SPTB: variants seen among roughly 807,000 people sequenced by gnomAD.
The protein encoded by SPTB is spectrin beta chain, erythrocytic.
A neutral mutation model predicts 256.2 loss-of-function variants in SPTB; 45 were observed. The observed-to-expected ratio is 0.18, with a 90% CI of 0.14 to 0.23. SPTB has a LOEUF of 0.23. SPTB is among the 10% of genes least tolerant of loss of function. The probability of loss-of-function intolerance (pLI) is 1.00; values close to 1 mark genes in which losing one functional copy is unlikely to be tolerated. For synonymous variants in SPTB, 1,231 were observed against 1,243.1 expected (o/e 0.99, Z 0.21); for missense variants, 2,715 against 3,040.4 (o/e 0.89, Z 2.52).
rs760848754 is a variant in SPTB at position 64,767,364 on chromosome 14, G to C, written c.6220-12C>G. The C allele has an allele frequency of 1.9e-6, 3 of 1,613,862 alleles. No homozygotes were observed. The highest frequency in any genetic ancestry group is 1.7e-6 in the Non-Finnish European group (2 of 1,180,034). ...TCTTTCAGCTCAAGCTAGAGGAGGA[G>C]AAGGCCCAGGGGTCAGAGCAGCCAC... On this transcript the variant is annotated splice_polypyrimidine_tract_variant and intron_variant, in intron 30 of 35. Coordinates refer to ENST00000644917, the MANE Select transcript of SPTB (RefSeq NM_001355436.2).
chr14:64,773,077 C>A, intron 25 of SPTB, 123 bp from the exon 26 acceptor site: 1 of 1,556,446 alleles, frequency 6.4e-7, no homozygotes, highest in Non-Finnish European at 8.7e-7. Flanking sequence ...TCACACCTTC[C>A]CCAGGGCAGG....
chr14:64,820,018 G>A (rs577799901), intron 2 of SPTB, among the ~76,000 whole-genome samples: 11 of 152,260 alleles, frequency 7.2e-5, no homozygotes, highest in Non-Finnish European at 5.9e-5. Flanking sequence ...ACTTGAATCT[G>A]GATCTTGTGA....
Position 64,763,635 on chromosome 14 carries a change from A to G in SPTB, c.6345+3091T>C, listed in dbSNP as rs377265598. On this transcript the variant is annotated intron_variant, in intron 32 of 35. Coordinates refer to ENST00000644917, the MANE Select transcript of SPTB (RefSeq NM_001355436.2). ...AGGGGATTAGGTGGTTTTTATCTCA[A>G]ATCACGCAGGAAGTTACCAACAGAA... The G allele has an allele frequency of 5.0e-5, 24 of 477,936 alleles. No homozygotes were observed. The East Asian group carries it at 8.5e-4, about 17-fold the overall frequency. The allele number at this position is 477,936 out of a possible 1,614,324, so 29.6% of individuals were successfully genotyped here. A position where few individuals can be genotyped will look rare whatever the true frequency, so the allele number is the denominator to read the frequency against.
Position 64,793,637 on chromosome 14 carries a change from G to T in SPTB, c.2026C>A (p.Gln676Lys). Residue 676 changes from glutamine (Q) to lysine (K), a missense_variant, in exon 14 of 36, where the codon CAG becomes AAG. Gln to Lys is a moderately conservative substitution (Grantham distance 53). Coordinates refer to ENST00000644917, the MANE Select transcript of SPTB (RefSeq NM_001355436.2). This position sits in a 1 kb window ranked among gnomAD's most constrained non-coding sequence, Gnocchi z 7.0. The part of the protein sequence containing the change: ...GKDLTSVLIL[Q>K]RKHKAFEDEL... Reference sequence around the variant, plus strand: ...TCCTCAAAGGCCTTGTGCTTGCGCTGTAAGATGAGCACACTGGTCAGGTCT... The same window carrying T: ...TCCTCAAAGGCCTTGTGCTTGCGCTTTAAGATGAGCACACTGGTCAGGTCT... 6.2e-7 allele frequency: 1 copy of T among 1,614,184 alleles called. No individual in the cohort carries two copies. Among genetic ancestry groups the T allele is most frequent in the Non-Finnish European group, 8.5e-7 (1 of 1,180,048 alleles).
rs1308646210 is a variant in SPTB, at chr14:64,845,747, G to T, written c.-51-22602C>A. On this transcript the variant is annotated intron_variant, in intron 1 of 35. Transcript: ENST00000644917. This position sits in a 1 kb window ranked among gnomAD's most constrained non-coding sequence, Gnocchi z 4.8. ...GTGTGTTTCCCCAACTTTGTGAAAT[G>T]AGTTCTGCCATGGGCTCGCCTAGTC... Among the ~76,000 whole-genome samples, 1 of 152,202 alleles carries T rather than the reference G, an allele frequency of 6.6e-6. No individual in the cohort carries two copies. Among genetic ancestry groups the T allele is most frequent in the African/African-American group, 2.4e-5 (1 of 41,452 alleles).
chr14:64,749,908 G>C lies in SPTB; in HGVS notation c.6776+73C>G. The C allele has an allele frequency of 6.3e-7, 1 of 1,597,204 alleles. No homozygotes were observed. Among genetic ancestry groups the C allele is most frequent in the Non-Finnish European group, 8.6e-7 (1 of 1,164,952 alleles). ...TCAGGCCTGGCACTGGTCCCCTACAGAGGGCCTCTGCCCTGCCACTAATGC... is the reference window on the plus strand; with the variant it reads ...TCAGGCCTGGCACTGGTCCCCTACACAGGGCCTCTGCCCTGCCACTAATGC... On this transcript the variant is annotated intron_variant, in intron 34 of 35. Transcript: ENST00000644917. This position sits in a 1 kb window ranked among gnomAD's most constrained non-coding sequence, Gnocchi z 4.7.
chr14:64,793,131 C>A lies in SPTB; in HGVS notation c.2532G>T (p.Leu844=), dbSNP rs373875753. The change falls in exon 14 of 36, where the codon CTG becomes CTT. Residue 844 remains leucine, a synonymous_variant. Coordinates refer to ENST00000644917, the MANE Select transcript of SPTB (RefSeq NM_001355436.2). The surrounding 1 kb of genome is among the most constrained non-coding windows in gnomAD (Gnocchi z 7.0). ...CCGTGTACAGGTCCAGGGCTTCCTG[C>A]AGCCTCTGCTGACGCAGGTCCGCCT... The part of the protein sequence containing the change: ...VAQADLRQQR[L]QEALDLYTVF... 1.9e-6 allele frequency: 3 copies of A among 1,614,138 alleles called. No individual in the cohort carries two copies. Among genetic ancestry groups the A allele is most frequent in the Non-Finnish European group, 1.7e-6 (2 of 1,180,046 alleles).
rs1049769753 is a variant in SPTB at position 64,795,060 on chromosome 14, T to A, written c.1644+277A>T. ...AGGTTCCTGATTAATGTCTGTCTCT[T>A]CAAGGCCCTGAAGGTTGGCACCGGT... On this transcript the variant is annotated intron_variant, in intron 12 of 35. Transcript: ENST00000644917. The surrounding 1 kb of genome is among the most constrained non-coding windows in gnomAD (Gnocchi z 6.5). Among the ~76,000 whole-genome samples, 2 of 152,158 alleles carry A rather than the reference T, an allele frequency of 1.3e-5. No individual in the cohort carries two copies. Among genetic ancestry groups the A allele is most frequent in the African/African-American group, 4.8e-5 (2 of 41,414 alleles).
chr14:64,843,649 C>T (rs1570295), intron 1 of SPTB, among the ~76,000 whole-genome samples: 83,678 of 152,036 alleles, frequency 0.55, 26,003 homozygotes, highest in Non-Finnish European at 0.71. Flanking sequence ...CTTGCTCTGG[C>T]GGCTGCTTTC....
In SPTB at chr14:64,826,179, G is replaced by A. The variant is rs939172025; in HGVS notation, c.-51-3034C>T. On this transcript the variant is annotated intron_variant, in intron 1 of 35. Transcript: ENST00000644917. The surrounding 1 kb of genome is among the most constrained non-coding windows in gnomAD (Gnocchi z 4.4). ...AGTGCATGCAGGAAGGGAAGCTCTC[G>A]GAGAATCAGGTGTAAGAGGCAGGAA... Among the ~76,000 whole-genome samples, 8 of 152,324 alleles carry A rather than the reference G, an allele frequency of 5.3e-5. No individual in the cohort carries two copies. Among genetic ancestry groups the A allele is most frequent in the Non-Finnish European group, 7.4e-5 (5 of 68,024 alleles).
At chr14:64,819,119 C>T (rs1463547533) in intron 2 of SPTB, among the ~76,000 whole-genome samples, 1 of 152,218 alleles carries the variant, frequency 6.6e-6, no homozygotes, top group African/African-American at 2.4e-5. Flanking sequence ...CTTACAGGAG[C>T]CTTCTGCAAC....
rs2082336397 is a variant in SPTB, at chr14:64,775,076, C to T, written c.4842+49G>A. ...TCCCTACCGACAGCCAACCTCAACT[C>T]TTCCTCTCTGCCTGGGCACCCTGGC... On this transcript the variant is annotated intron_variant, in intron 23 of 35. Coordinates refer to ENST00000644917, the MANE Select transcript of SPTB (RefSeq NM_001355436.2). The surrounding 1 kb of genome is among the most constrained non-coding windows in gnomAD (Gnocchi z 5.0). The T allele has an allele frequency of 6.2e-7, 1 of 1,613,316 alleles. No individual in the cohort carries two copies. Among genetic ancestry groups the T allele is most frequent in the Admixed American group, 1.7e-5 (1 of 60,018 alleles).
At chr14:64,846,075 T>C (rs922046857) in intron 1 of SPTB, among the ~76,000 whole-genome samples, 3 of 152,178 alleles carry the variant, frequency 2.0e-5, no homozygotes, top group Non-Finnish European at 4.4e-5. Flanking sequence ...GTATCACCCC[T>C]GTGATCAGGA....
At chr14:64,862,874 A>AAC (rs200565971) in intron 1 of SPTB, among the ~76,000 whole-genome samples, 2,699 of 11,858 alleles carry the variant, frequency 0.23, 73 homozygotes, top group Admixed American at 0.46. Context: ...CAATAACAAC[A>AAC]AAAAAAAACC....
chr14:64,749,841 G>A lies in SPTB; in HGVS notation c.6776+140C>T. 1 of 1,481,502 alleles carries A rather than the reference G, an allele frequency of 6.7e-7. No homozygotes were observed. The allele number at this position is 1,481,502 out of a possible 1,614,324, so 91.8% of individuals were successfully genotyped here. The stretch of plus-strand genomic sequence containing the variant: ...GCACTTTCTGAGAGGTCAAAGTCTG[G>A]ACCATCAGCCTCTTTGATTTGAAAA... On this transcript the variant is annotated intron_variant, in intron 34 of 35. Coordinates refer to ENST00000644917, the MANE Select transcript of SPTB (RefSeq NM_001355436.2). The surrounding 1 kb of genome is among the most constrained non-coding windows in gnomAD (Gnocchi z 4.7).
At chr14:64,780,536 C>T (rs544696540) in intron 20 of SPTB, among the ~76,000 whole-genome samples, 48 of 152,336 alleles carry the variant, frequency 3.2e-4, no homozygotes, top group African/African-American at 1.1e-3. Context: ...GCCTCAGCCT[C>T]CAGAGTAGCT....
rs1882216826 is a variant in SPTB, at chr14:64,866,921, T to G, written c.-52+12871A>C. ...CTCTTTATTGTTATGAAACAAATCTTGTGTCCGTGGATCTGAAACGCCCAC... is the reference window on the plus strand; with the variant it reads ...CTCTTTATTGTTATGAAACAAATCTGGTGTCCGTGGATCTGAAACGCCCAC... On this transcript the variant is annotated intron_variant, in intron 1 of 35. Coordinates refer to ENST00000644917, the MANE Select transcript of SPTB (RefSeq NM_001355436.2). This position sits in a 1 kb window ranked among gnomAD's most constrained non-coding sequence, Gnocchi z 4.6. Among the ~76,000 whole-genome samples, 1 of 152,308 alleles carries G rather than the reference T, an allele frequency of 6.6e-6. No homozygotes were observed. The highest frequency in any genetic ancestry group is 2.1e-4 in the South Asian group (1 of 4,822).
chr14:64,792,886 A>G lies in SPTB; in HGVS notation c.2666+111T>C. 6.8e-7 allele frequency: 1 copy of G among 1,473,454 alleles called. No individual in the cohort carries two copies. The highest frequency in any genetic ancestry group is 9.4e-7 in the Non-Finnish European group (1 of 1,068,244). The allele number at this position is 1,473,454 out of a possible 1,614,324, so 91.3% of individuals were successfully genotyped here. A position where few individuals can be genotyped will look rare whatever the true frequency, so the allele number is the denominator to read the frequency against. On this transcript the variant is annotated intron_variant, in intron 14 of 35. Coordinates refer to ENST00000644917, the MANE Select transcript of SPTB (RefSeq NM_001355436.2). This position sits in a 1 kb window ranked among gnomAD's most constrained non-coding sequence, Gnocchi z 4.2. ...AGGACTTTGCAACAAAGGACATCCC[A>G]GGGCCTCTCAAAGAGACCTTTGCTG... is the stretch of plus-strand genomic sequence containing the variant.
At chr14:64,867,795 A>G (rs1882276442) in intron 1 of SPTB, among the ~76,000 whole-genome samples, 1 of 146,322 alleles carries the variant, frequency 6.8e-6, no homozygotes, top group Non-Finnish European at 1.5e-5. Flanking sequence ...TGGAGGCTGT[A>G]GTGAGCCGAG....
Sources: gnomAD v4.1 joint callset for allele counts (sites outside exome capture counted in the v4.1 genomes callset) on GRCh38, gnomAD v4.1.1 for gene constraint, Gnocchi (gnomAD v3.1) non-coding constraint, MANE v1.5 for transcripts, NCBI Gene and HGNC (gene_info 2026-07-23, HGNC 2026-07-21) for gene names.